DOCK8: variants seen among roughly 807,000 people sequenced by gnomAD.
DOCK8 encodes dedicator of cytokinesis 8, also known as dedicator of cytokinesis protein 8.
Under a neutral mutation model 245.6 loss-of-function variants are expected in DOCK8, and 141 were observed. The ratio of observed to expected loss-of-function variants is 0.57; its 90% CI spans 0.50 to 0.66. DOCK8 has a LOEUF of 0.66. DOCK8 is among the 30% of genes least tolerant of loss of function. The pLI, the probability that DOCK8 is intolerant of heterozygous loss-of-function variation, is 0.00. For synonymous variants in DOCK8, 1,168 were observed against 970.2 expected (o/e 1.20, Z -3.79); for missense variants, 2,965 against 2,603.4 (o/e 1.14, Z -3.02).
chr9:293,376 C>T (rs1428435244), intron 4 of DOCK8, among the ~76,000 whole-genome samples: 2 of 152,202 alleles, frequency 1.3e-5, no homozygotes, highest in African/African-American at 4.8e-5. Flanking sequence ...CATCTCCCAA[C>T]CTCACACAGT....
chr9:412,056 C>G (rs969135015), intron 28 of DOCK8, among the ~76,000 whole-genome samples: 6 of 152,114 alleles, frequency 3.9e-5, no homozygotes, highest in Admixed American at 2.0e-4. Context: ...CTTGCCACTT[C>G]TATTCAACAT....
intron 1 of DOCK8, among the ~76,000 whole-genome samples, chr9:218,657 T>G (rs945877852): frequency 2.0e-5 from 3 of 152,194 alleles, no homozygotes; most frequent in African/African-American, 4.8e-5. Flanking sequence ...CTCTGAAAAT[T>G]TATTAAACAA....
intron 14 of DOCK8, among the ~76,000 whole-genome samples, chr9:354,851 G>A (rs2052348536): frequency 6.6e-6 from 1 of 152,202 alleles, no homozygotes; most frequent in Admixed American, 6.5e-5. Context: ...ACAGAGGCCA[G>A]GGTCTTTCAC....
chr9:230,661 G>A (rs886573760), intron 1 of DOCK8, among the ~76,000 whole-genome samples: 1 of 151,668 alleles, frequency 6.6e-6, no homozygotes, highest in African/African-American at 2.4e-5. Flanking sequence ...GTGATGGTGA[G>A]CATTTTTTCA....
chr9:434,777 C>A lies in DOCK8; in HGVS notation c.4887-6C>A. On this transcript the variant is annotated splice_polypyrimidine_tract_variant and splice_region_variant and intron_variant, in intron 38 of 47. Transcript: ENST00000432829. ...CAAAACTACTTCTCACTCAATCTGT[C>A]TTCAGAATTGCCAAGAGTTACCAGG... 2.5e-6 allele frequency: 4 copies of A among 1,613,958 alleles called. No homozygotes were observed. Among genetic ancestry groups the A allele is most frequent in the South Asian group, 1.1e-5 (1 of 91,082 alleles).
At chr9:430,856 T>C (rs1295948768) in intron 36 of DOCK8, among the ~76,000 whole-genome samples, 2 of 151,834 alleles carry the variant, frequency 1.3e-5, no homozygotes, top group African/African-American at 4.8e-5. Context: ...CTAACCTGAG[T>C]TTTATTTTAA....
chr9:336,032 G>A (rs560086949), intron 11 of DOCK8, among the ~76,000 whole-genome samples: 34 of 152,306 alleles, frequency 2.2e-4, no homozygotes, highest in African/African-American at 7.9e-4. Context: ...AAGTCTGAGT[G>A]TGATTTGGGG....
chr9:226,083 C>G (rs1046181920), intron 1 of DOCK8, among the ~76,000 whole-genome samples: 1 of 152,120 alleles, frequency 6.6e-6, no homozygotes, highest in African/African-American at 2.4e-5. Flanking sequence ...GAAGAAATAC[C>G]CAAGACTGGA....
At position 340,199 on chromosome 9, in the gene DOCK8, C is replaced by T. The variant is rs757135074; in HGVS notation, c.1557C>T (p.Ile519=). The T allele has an allele frequency of 6.2e-7, 1 of 1,614,176 alleles. No individual in the cohort carries two copies. The highest frequency in any genetic ancestry group is 8.5e-7 in the Non-Finnish European group (1 of 1,180,018). Residue 519 remains isoleucine (I), a synonymous_variant, in exon 14 of 48, where the codon ATC becomes ATT. Transcript: ENST00000432829. The part of the protein sequence containing the change: ...RLEISTAPEI[I]NCCLTPEMLP... The stretch of plus-strand genomic sequence containing the variant: ...AGATTTCTACAGCTCCAGAGATCAT[C>T]AATTGCTGTCTGACTCCTGAAATGC...
At position 414,798 on chromosome 9, in the gene DOCK8, A is replaced by T. The variant is rs1027981932; in HGVS notation, c.3547A>T (p.Arg1183Trp). 1.9e-6 allele frequency: 3 copies of T among 1,614,228 alleles called. No individual in the cohort carries two copies. The highest frequency in any genetic ancestry group is 2.5e-6 in the Non-Finnish European group (3 of 1,180,028). Residue 1183 changes from arginine (R) to tryptophan (W), a missense_variant, in exon 29 of 48, where the codon AGG (arginine) becomes TGG (tryptophan). Around this residue, in one of 3 missense-constraint regions of DOCK8, gnomAD observed 2,825 missense variants for 2,453.5 expected, o/e 1.15. Transcript: ENST00000432829. ...TGCCAACAGAATCAGCAAAGTACAA[A>T]GGAAAGCTGTCAGTGCAATTCACAG... The part of the protein sequence containing the change: ...AEGEGISKVQ[R>W]KAVSAIHSLL...
At chr9:383,202 C>T (rs2053799100) in intron 22 of DOCK8, among the ~76,000 whole-genome samples, 3 of 151,670 alleles carry the variant, frequency 2.0e-5, no homozygotes, top group Admixed American at 2.0e-4. Flanking sequence ...GAGTTCAAGA[C>T]CAGCCTGGCC....
intron 46 of DOCK8, among the ~76,000 whole-genome samples, chr9:458,953 C>T (rs1365241761): frequency 6.6e-6 from 1 of 152,190 alleles, no homozygotes; most frequent in African/African-American, 2.4e-5. Context: ...GGAGGCGTAA[C>T]TTCCTGCCCT....
intron 33 of DOCK8, among the ~76,000 whole-genome samples, chr9:425,286 A>C (rs1230987851): frequency 1.3e-5 from 2 of 152,164 alleles, no homozygotes; most frequent in Admixed American, 6.5e-5. Flanking sequence ...TAATCCCAGC[A>C]CTTTGGGAGG....
intron 1 of DOCK8, among the ~76,000 whole-genome samples, chr9:256,314 C>T (rs1337119041): frequency 6.6e-6 from 1 of 152,176 alleles, no homozygotes; most frequent in Non-Finnish European, 1.5e-5. Flanking sequence ...AAGTGAGCAT[C>T]GATATGCCAA....
chr9:368,531 C>A, intron 15 of DOCK8: 1 of 507,728 alleles, frequency 2.0e-6, no homozygotes, highest in Non-Finnish European at 3.5e-6. Context: ...CAGTGTTACA[C>A]ACTTACTCAA....
intron 4 of DOCK8, among the ~76,000 whole-genome samples, chr9:297,393 G>C (rs516542): frequency 6.6e-6 from 1 of 151,612 alleles, no homozygotes; most frequent in Non-Finnish European, 1.5e-5. Context: ...CTCTCAAAAC[G>C]CGCTTGGTCT....
Position 464,119 on chromosome 9 carries a change from GCT to G in DOCK8, c.6240-35_6240-34del, listed in dbSNP as rs748762678. The stretch of plus-strand genomic sequence containing the variant: ...AACTGATCTTTTCTTGCTTCTGTAC[GCT>G]CTCTTTCCCTCTCCTCCCTCTCTTT... On this transcript the variant is annotated intron_variant, in intron 47 of 47. Coordinates refer to ENST00000432829, the MANE Select transcript of DOCK8 (RefSeq NM_203447.4). 2.8e-5 allele frequency: 43 copies of G among 1,536,570 alleles called. No individual in the cohort carries two copies. The South Asian group carries it at 4.5e-4, about 16-fold the overall frequency.
At chr9:287,773 T>C (rs778004205) in intron 3 of DOCK8, among the ~76,000 whole-genome samples, 5 of 152,242 alleles carry the variant, frequency 3.3e-5, no homozygotes, top group Non-Finnish European at 7.3e-5. Flanking sequence ...TAGTATAAGT[T>C]AACACCTACT....
chr9:442,823 C>T (rs187548140), intron 42 of DOCK8, among the ~76,000 whole-genome samples: 10 of 151,284 alleles, frequency 6.6e-5, no homozygotes, highest in Non-Finnish European at 1.2e-4. Flanking sequence ...TGAATTTGTG[C>T]CCTCCTATGA....
Sources: allele counts gnomAD v4.1 joint callset (sites outside exome capture counted in the v4.1 genomes callset), GRCh38; gene constraint gnomAD v4.1.1; regional missense constraint gnomAD v4.1.1; transcripts MANE v1.5; gene names NCBI Gene and HGNC (gene_info 2026-07-23, HGNC 2026-07-21).